ERI3: variants seen among roughly 807,000 people sequenced by gnomAD.
The protein encoded by ERI3 is ERI1 exoribonuclease family member 3, also known as ERI1 exoribonuclease 3.
ERI3 carries 18 observed loss-of-function variants against 44.4 expected under a neutral mutation model. The observed-to-expected ratio is 0.41, with a 90% CI of 0.28 to 0.60. The LOEUF is 0.60. Among genes scored for constraint, ERI3 ranks in the 20% least tolerant of loss-of-function variants. The pLI is 0.36. For synonymous variants in ERI3, 183 were observed against 164.8 expected (o/e 1.11, Z -0.84); for missense variants, 294 against 435.5 (o/e 0.68, Z 2.89).
In ERI3 at chr1:44,282,587, T is replaced by G. The variant is rs542866405; in HGVS notation, c.831+2248A>C. On this transcript the variant is annotated intron_variant, in intron 7 of 8. Coordinates refer to ENST00000372257, the MANE Select transcript of ERI3 (RefSeq NM_024066.3). ...AGCATAAAGGTCAGAAAGAGTACCA[T>G]GCCCCTGGGCCTCCAGACTCAGCAG... 1.7e-3 allele frequency among the ~76,000 whole-genome samples: 253 copies of G among 152,332 alleles called. 1 individual carries two copies. Among genetic ancestry groups the G allele is most frequent in the African/African-American group, 5.8e-3 (243 of 41,584 alleles).
At chr1:44,326,888 T>C (rs769704538) in intron 3 of ERI3, among the ~76,000 whole-genome samples, 21 of 152,318 alleles carry the variant, frequency 1.4e-4, no homozygotes, top group Non-Finnish European at 2.8e-4. Context: ...TGAATTATAA[T>C]TTACCCTTAT....
At chr1:44,319,308 AG>A (rs1646152145) in intron 4 of ERI3, among the ~76,000 whole-genome samples, 1 of 152,372 alleles carries the variant, frequency 6.6e-6, no homozygotes, top group Non-Finnish European at 1.5e-5. Flanking sequence ...CCTCTTGCCA[AG>A]GGGCCCTAAG....
chr1:44,278,156 C>G (rs1645215928), intron 7 of ERI3, among the ~76,000 whole-genome samples: 1 of 152,116 alleles, frequency 6.6e-6, no homozygotes, highest in African/African-American at 2.4e-5. Flanking sequence ...TACTGTACAT[C>G]TCAATTGGGA....
At chr1:44,352,461 GATAA>G (rs1646914655) in intron 2 of ERI3, among the ~76,000 whole-genome samples, 3 of 120,014 alleles carry the variant, frequency 2.5e-5, no homozygotes, top group Admixed American at 1.7e-4. Context: ...TAGATAGATA[GATAA>G]ATGTTTAAAG....
chr1:44,348,726 C>A (rs1646833050), intron 2 of ERI3, among the ~76,000 whole-genome samples: 1 of 152,230 alleles, frequency 6.6e-6, no homozygotes, highest in South Asian at 2.1e-4. Flanking sequence ...ACACGGCATG[C>A]ATCAGACTGC....
At chr1:44,284,966 C>T in intron 6 of ERI3, 59 bp from the exon 7 acceptor site, 1 of 1,433,114 alleles carries the variant, frequency 7.0e-7, no homozygotes, top group Non-Finnish European at 9.8e-7. Flanking sequence ...GGTATGAAGT[C>T]TTAAGATGGG....
chr1:44,354,738 C>G (rs998364479), intron 1 of ERI3, 154 bp downstream of exon 1: 5 of 985,234 alleles, frequency 5.1e-6, no homozygotes, highest in Middle Eastern at 5.2e-4. Flanking sequence ...CCCCGCTCCC[C>G]CTCCGCCAGA....
At chr1:44,239,781 A>G (rs1383658949) in intron 8 of ERI3, among the ~76,000 whole-genome samples, 2 of 149,064 alleles carry the variant, frequency 1.3e-5, no homozygotes, top group Non-Finnish European at 3.0e-5. Context: ...AGAAGAAAGG[A>G]AAGAGGAGGG....
chr1:44,230,889 G>A (rs187815562), intron 8 of ERI3, among the ~76,000 whole-genome samples: 2 of 152,216 alleles, frequency 1.3e-5, no homozygotes, highest in Admixed American at 1.3e-4. Context: ...CTCTTCCTTT[G>A]AAATATTAAA....
chr1:44,354,187 G>A, intron 1 of ERI3: 1 of 985,400 alleles, frequency 1.0e-6, no homozygotes, highest in Non-Finnish European at 1.2e-6. Flanking sequence ...TTAGCCAATA[G>A]GATTCATGTT....
chr1:44,261,289 C>T (rs1644888749), intron 7 of ERI3, among the ~76,000 whole-genome samples: 1 of 152,250 alleles, frequency 6.6e-6, no homozygotes, highest in African/African-American at 2.4e-5. Context: ...GCGCACAGCG[C>T]GGAGGAAGGC....
chr1:44,354,585 T>G, intron 1 of ERI3: 1 of 985,404 alleles, frequency 1.0e-6, no homozygotes, highest in Non-Finnish European at 1.2e-6. Flanking sequence ...TGGGCATGTG[T>G]TGGCGAGAGG....
At chr1:44,238,108 C>T (rs990518616) in intron 8 of ERI3, among the ~76,000 whole-genome samples, 6 of 152,174 alleles carry the variant, frequency 3.9e-5, no homozygotes, top group African/African-American at 1.4e-4. Context: ...CGCTAACGTG[C>T]TGCCCATGCT....
chr1:44,274,429 A>C (rs1229322878), intron 7 of ERI3, among the ~76,000 whole-genome samples: 1 of 152,234 alleles, frequency 6.6e-6, no homozygotes, highest in African/African-American at 2.4e-5. Flanking sequence ...CAAAGGCAAC[A>C]CATGTTAACA....
Position 44,310,951 on chromosome 1 carries a change from T to TCGCGCGCGCTCG in ERI3, c.666+2217_666+2218insCGAGCGCGCGCG, listed in dbSNP as rs1553195165. On this transcript the variant is annotated intron_variant, in intron 5 of 8. Transcript: ENST00000372257. ...CCAACTCCTTGCATGTATGTGCACA[T>TCGCGCGCGCTCG]CGCGCGCGCGCGCACACACACACAC... 2.1e-5 allele frequency among the ~76,000 whole-genome samples: 2 copies of TCGCGCGCGCTCG among 95,026 alleles called. 1 individual carries two copies. The highest frequency in any genetic ancestry group is 4.4e-5 in the Non-Finnish European group (2 of 45,810). 62.3% of individuals were successfully genotyped at this position (95,026 alleles called of 152,430 possible).
At chr1:44,301,919 A>G (rs1444437063) in intron 6 of ERI3, among the ~76,000 whole-genome samples, 2 of 152,240 alleles carry the variant, frequency 1.3e-5, no homozygotes, top group Non-Finnish European at 2.9e-5. Flanking sequence ...CAGCCCTACA[A>G]ATTCCTCATG....
At chr1:44,279,328 G>A (rs1021028596) in intron 7 of ERI3, among the ~76,000 whole-genome samples, 1 of 152,056 alleles carries the variant, frequency 6.6e-6, no homozygotes, top group African/African-American at 2.4e-5. Context: ...GGGCTCAAGG[G>A]ATCTTCCTGC....
At chr1:44,230,720 C>T (rs561987686) in intron 8 of ERI3, among the ~76,000 whole-genome samples, 26 of 152,328 alleles carry the variant, frequency 1.7e-4, no homozygotes, top group African/African-American at 6.0e-4. Context: ...ACCTCCCTCC[C>T]GAGAGACCTG....
At chr1:44,257,157 C>A (rs1175308096) in intron 7 of ERI3, among the ~76,000 whole-genome samples, 1 of 152,182 alleles carries the variant, frequency 6.6e-6, no homozygotes, top group Non-Finnish European at 1.5e-5. Flanking sequence ...ACATCTGTCA[C>A]TGCATAACGA....
Sources: gnomAD v4.1 joint callset for allele counts (sites outside exome capture counted in the v4.1 genomes callset) on GRCh38, gnomAD v4.1.1 for gene constraint, MANE v1.5 for transcripts, NCBI Gene and HGNC (gene_info 2026-07-23, HGNC 2026-07-21) for gene names.